CLVS1: variants seen among roughly 807,000 people sequenced by gnomAD.
CLVS1 encodes clavesin 1.
In CLVS1, 10 loss-of-function variants were observed where a neutral mutation model predicts 33.1. The ratio of observed to expected loss-of-function variants is 0.30; its 90% confidence interval spans 0.19 to 0.51. CLVS1 has a LOEUF of 0.51. CLVS1 is among the 20% of genes least tolerant of loss of function. The probability of loss-of-function intolerance (pLI) is 0.97; values close to 1 mark genes in which losing one functional copy is unlikely to be tolerated. For missense variants in CLVS1, 343 were observed against 433.4 expected (o/e 0.79, Z 1.85); for synonymous variants, 163 against 166.1 (o/e 0.98, Z 0.14).
chr8:61,264,489 G>A (rs1269304217), intron 2 of CLVS1: 1 of 152,152 alleles, frequency 6.6e-6, no homozygotes, highest in African/African-American at 2.4e-5. Flanking sequence ...GTAAATTTCA[G>A]GAAAGCAGAA....
intron 2 of CLVS1, among the ~76,000 whole-genome samples, chr8:61,303,748 A>G (rs1810516295): frequency 6.6e-6 from 1 of 152,192 alleles, no homozygotes; most frequent in Non-Finnish European, 1.5e-5. Context: ...TCTCATCTGT[A>G]AGTTGGGAAT....
intron 5 of CLVS1, among the ~76,000 whole-genome samples, chr8:61,492,599 T>C (rs1804132720): frequency 6.6e-6 from 1 of 152,202 alleles, no homozygotes; most frequent in South Asian, 2.1e-4. Context: ...AAATACATGA[T>C]ACATGAGTTA....
In CLVS1 at chr8:61,168,066, T is replaced by G. The variant is rs574937298; in HGVS notation, c.-152+36206T>G. ...CCTTACTCTATGGACTCACCCTGAA[T>G]TCTTTCTTGTGAGAGATCGAAGAAC... On this transcript the variant is annotated intron_variant, in intron 2 of 2. Coordinates refer to the CLVS1 transcript ENST00000522621. Among the ~76,000 whole-genome samples, 36 of 152,342 alleles carry G rather than the reference T, an allele frequency of 2.4e-4. 1 individual carries two copies. The South Asian group carries it at 2.9e-3, about 12-fold the overall frequency.
chr8:61,244,289 G>A (rs1050331919), intron 2 of CLVS1, among the ~76,000 whole-genome samples: 5 of 151,742 alleles, frequency 3.3e-5, no homozygotes, highest in African/African-American at 1.2e-4. Flanking sequence ...CAAATATATG[G>A]GATTAATAAA....
intron 3 of CLVS1, among the ~76,000 whole-genome samples, chr8:61,440,458 G>A (rs1039504009): frequency 5.9e-5 from 9 of 152,230 alleles, no homozygotes; most frequent in Admixed American, 2.0e-4. Context: ...AGATATTTGT[G>A]TGGTTCAAAT....
chr8:61,327,727 C>G (rs1218551305), intron 2 of CLVS1, among the ~76,000 whole-genome samples: 1 of 152,180 alleles, frequency 6.6e-6, no homozygotes, highest in Non-Finnish European at 1.5e-5. Flanking sequence ...ACCTAAGTGT[C>G]CTTGTACCTG....
intron 2 of CLVS1, among the ~76,000 whole-genome samples, chr8:61,365,621 T>C (rs1173656372): frequency 1.3e-5 from 2 of 152,158 alleles, no homozygotes; most frequent in Non-Finnish European, 2.9e-5. Context: ...CGGGGAGATT[T>C]TGCTGTTTGT....
intron 2 of CLVS1, among the ~76,000 whole-genome samples, chr8:61,238,399 G>C (rs1459756378): frequency 1.3e-5 from 2 of 151,292 alleles, no homozygotes; most frequent in Non-Finnish European, 2.9e-5. Flanking sequence ...CTCCCCTCCT[G>C]CCTTCCTTCC....
intron 1 of CLVS1, among the ~76,000 whole-genome samples, chr8:61,130,882 G>A (rs1232877688): frequency 6.6e-6 from 1 of 152,176 alleles, no homozygotes; most frequent in African/African-American, 2.4e-5. Context: ...CAGTGCAGAG[G>A]CCTAAGATAG....
chr8:61,257,040 T>C (rs567169271), intron 2 of CLVS1, among the ~76,000 whole-genome samples: 1 of 152,360 alleles, frequency 6.6e-6, no homozygotes, highest in Admixed American at 6.5e-5. Flanking sequence ...CAACATTATT[T>C]TTCCCCTGAA....
chr8:61,481,694 G>A lies in CLVS1; in HGVS notation c.978-17761G>A, dbSNP rs551786704. Among the ~76,000 whole-genome samples, 3 of 152,330 alleles carry A rather than the reference G, an allele frequency of 2.0e-5. No homozygotes were observed. In the South Asian group the frequency reaches 6.2e-4, roughly 32 times the overall value. The stretch of plus-strand genomic sequence containing the variant: ...GAGGCTTGAGTAGGTAAACAAAGAG[G>A]CTGGGAAGCTCTAACTGGGTGGAGC... On this transcript the variant is annotated intron_variant, in intron 5 of 5. Coordinates refer to ENST00000325897, the MANE Select transcript of CLVS1 (RefSeq NM_173519.3).
At chr8:60,977,943 T>C in the CLVS1 span, among the ~76,000 whole-genome samples, 1 of 152,212 alleles carries the variant, frequency 6.6e-6, no homozygotes, top group Non-Finnish European at 1.5e-5. Flanking sequence ...GTACAAGGAA[T>C]TTGCAATAAG....
the CLVS1 span, among the ~76,000 whole-genome samples, chr8:61,006,433 G>A: frequency 6.6e-6 from 1 of 152,136 alleles, no homozygotes; most frequent in Non-Finnish European, 1.5e-5. Flanking sequence ...CAGATGGCCC[G>A]AGGAGGAGGG....
upstream of CLVS1, among the ~76,000 whole-genome samples, chr8:61,285,079 G>A (rs908443527): frequency 6.6e-6 from 1 of 152,056 alleles, no homozygotes; most frequent in African/African-American, 2.4e-5. Context: ...GAAACTATGA[G>A]ATTGGACTAA....
chr8:61,070,004 G>A lies in CLVS1; in HGVS notation c.-243+12774G>A, dbSNP rs186563937. On this transcript the variant is annotated intron_variant, in intron 1 of 2. Transcript: ENST00000522621. ...GACAGGGTTTTGCCATGTTGGCCAC[G>A]TTGGTCTCAAACTCCTGACTTCCTG... Among the ~76,000 whole-genome samples, 762 of 152,096 alleles carry A rather than the reference G, an allele frequency of 5.0e-3. 9 individuals carry two copies. Among genetic ancestry groups the A allele is most frequent in the African/African-American group, 0.017 (713 of 41,468 alleles).
intron 1 of CLVS1, among the ~76,000 whole-genome samples, chr8:61,094,061 C>T (rs1446762167): frequency 6.6e-6 from 1 of 152,178 alleles, no homozygotes; most frequent in Non-Finnish European, 1.5e-5. Flanking sequence ...CAGCCAGGCG[C>T]TTGTTTGAGG....
At chr8:61,011,490 C>G in the CLVS1 span, among the ~76,000 whole-genome samples, 1 of 151,980 alleles carries the variant, frequency 6.6e-6, no homozygotes, top group South Asian at 2.1e-4. Flanking sequence ...ACTCTGTCAC[C>G]CAGGCTGGAG....
chr8:61,346,052 T>C (rs1423565122), intron 2 of CLVS1, among the ~76,000 whole-genome samples: 1 of 152,168 alleles, frequency 6.6e-6, no homozygotes, highest in Non-Finnish European at 1.5e-5. Context: ...ATTGGCCTAA[T>C]GGACTAAAAG....
chr8:61,301,646 C>T (rs2931296), intron 2 of CLVS1, among the ~76,000 whole-genome samples: 40,760 of 152,090 alleles, frequency 0.27, 6,853 homozygotes, highest in Non-Finnish European at 0.35. Context: ...CCCTCTTTTA[C>T]CTTTGATGAC....
Sources: gnomAD v4.1 joint callset for allele counts (sites outside exome capture counted in the v4.1 genomes callset) on GRCh38, gnomAD v4.1.1 for gene constraint, MANE v1.5 for transcripts, NCBI Gene and HGNC (gene_info 2026-07-23, HGNC 2026-07-21) for gene names.